CMSS1: variants seen among roughly 807,000 people sequenced by gnomAD.
The protein encoded by CMSS1 is cms1 ribosomal small subunit homolog, also known as protein CMSS1.
CMSS1 carries 33 observed loss-of-function variants against 43.5 expected under a neutral mutation model. The observed-to-expected ratio is 0.76, with a 90% CI of 0.57 to 1.01. The LOEUF (loss-of-function observed/expected upper bound fraction) is 1.01, where lower values mean the gene tolerates loss of function less well. CMSS1 is among the 50% of genes least tolerant of loss of function. CMSS1 has a pLI of 0.00. For synonymous variants in CMSS1, 115 were observed against 117.2 expected (o/e 0.98, Z 0.12); for missense variants, 313 against 326.4 (o/e 0.96, Z 0.32).
intron 1 of CMSS1, among the ~76,000 whole-genome samples, chr3:100,107,026 T>C (rs139680821): frequency 2.5e-3 from 377 of 152,286 alleles, no homozygotes; most frequent in Non-Finnish European, 4.2e-3. Flanking sequence ...TAAATACTTA[T>C]GGATTTTGTT....
chr3:100,171,282 T>G (rs1265845287), intron 6 of CMSS1, among the ~76,000 whole-genome samples: 1 of 151,938 alleles, frequency 6.6e-6, no homozygotes. Context: ...TAAAATTTTA[T>G]AGAGGAATTT....
chr3:100,062,260 C>T (rs1010575373), intron 1 of CMSS1, among the ~76,000 whole-genome samples: 5 of 151,380 alleles, frequency 3.3e-5, no homozygotes, highest in African/African-American at 7.3e-5. Context: ...TACAGGCGCT[C>T]GCCACCACGC....
chr3:99,966,135 G>A (rs934538308), intron 1 of CMSS1, among the ~76,000 whole-genome samples: 2 of 152,192 alleles, frequency 1.3e-5, no homozygotes, highest in African/African-American at 4.8e-5. Context: ...CTTAGGAAAG[G>A]TAAATAAAAT....
At chr3:99,936,715 TA>T (rs1292568284) in intron 1 of CMSS1, among the ~76,000 whole-genome samples, 1 of 150,908 alleles carries the variant, frequency 6.6e-6, no homozygotes, top group Non-Finnish European at 1.5e-5. Flanking sequence ...GTCACACTGC[TA>T]AAAAGTGGCA....
At chr3:99,973,681 T>G (rs1042908964) in intron 1 of CMSS1, among the ~76,000 whole-genome samples, 1 of 152,202 alleles carries the variant, frequency 6.6e-6, no homozygotes, top group African/African-American at 2.4e-5. Context: ...ATAAACACAC[T>G]TCAAACTTGA....
At chr3:99,885,714 G>C (rs961017781) in intron 1 of CMSS1, among the ~76,000 whole-genome samples, 4 of 152,114 alleles carry the variant, frequency 2.6e-5, no homozygotes, top group Admixed American at 6.5e-5. Context: ...TTGAAACTTT[G>C]TGGAACAGAT....
intron 1 of CMSS1, among the ~76,000 whole-genome samples, chr3:99,964,845 T>G (rs1413348981): frequency 6.6e-6 from 1 of 152,258 alleles, no homozygotes; most frequent in East Asian, 1.9e-4. Flanking sequence ...TCCCTGTAAC[T>G]GTGGAAAAAC....
At chr3:99,849,215 C>A (rs754793138) in intron 1 of CMSS1, 13 of 1,614,132 alleles carry the variant, frequency 8.1e-6, no homozygotes, top group Non-Finnish European at 1.0e-5. Flanking sequence ...TTGATGACTG[C>A]ACGTTCCAGA....
Position 100,162,258 on chromosome 3 carries a change from A to G in CMSS1, c.226-45A>G, listed in dbSNP as rs763867727. On this transcript the variant is annotated intron_variant, in intron 3 of 9. Coordinates refer to ENST00000421999, the MANE Select transcript of CMSS1 (RefSeq NM_032359.4). ...AACTAACCTATTCCAACCAAATGCCATTTTAAAATATGTCGTCCCATTTTT... is the reference window on the plus strand; with the variant it reads ...AACTAACCTATTCCAACCAAATGCCGTTTTAAAATATGTCGTCCCATTTTT... 11 of 1,582,882 alleles carry G rather than the reference A, an allele frequency of 6.9e-6. No homozygotes were observed. In the East Asian group the frequency reaches 2.3e-4, roughly 32 times the overall value.
At chr3:100,107,736 T>C (rs1031757857) in intron 1 of CMSS1, among the ~76,000 whole-genome samples, 1 of 152,228 alleles carries the variant, frequency 6.6e-6, no homozygotes, top group East Asian at 1.9e-4. Context: ...TCATTTCCCA[T>C]TATGGAATAA....
chr3:100,057,462 C>A (rs1324686995), intron 1 of CMSS1, among the ~76,000 whole-genome samples: 4 of 152,212 alleles, frequency 2.6e-5, no homozygotes, highest in Non-Finnish European at 5.9e-5. Flanking sequence ...AGAGTTGCTG[C>A]GGTTTCTCCA....
At chr3:100,081,631 G>A (rs1416499370) in intron 1 of CMSS1, among the ~76,000 whole-genome samples, 1 of 152,166 alleles carries the variant, frequency 6.6e-6, no homozygotes, top group East Asian at 1.9e-4. Flanking sequence ...CCAGTATAGT[G>A]TGATTTTATG....
chr3:99,998,937 G>C (rs1360363459), intron 1 of CMSS1, among the ~76,000 whole-genome samples: 1 of 152,098 alleles, frequency 6.6e-6, no homozygotes, highest in Non-Finnish European at 1.5e-5. Context: ...CACTATCTTT[G>C]GCATAAAATT....
chr3:99,923,205 C>G (rs1004823111), intron 1 of CMSS1, among the ~76,000 whole-genome samples: 1 of 152,090 alleles, frequency 6.6e-6, no homozygotes, highest in Non-Finnish European at 1.5e-5. Context: ...ACACCAACAC[C>G]CACAGTTTCA....
At chr3:100,148,750 A>G (rs190324790) in intron 2 of CMSS1, among the ~76,000 whole-genome samples, 50 of 152,218 alleles carry the variant, frequency 3.3e-4, no homozygotes, top group African/African-American at 1.2e-3. Context: ...TATAGTTAAT[A>G]ATTATATTAT....
intron 1 of CMSS1, among the ~76,000 whole-genome samples, chr3:100,050,165 A>T (rs1575989892): frequency 6.6e-6 from 1 of 152,162 alleles, no homozygotes; most frequent in East Asian, 1.9e-4. Context: ...TTGTTTATTT[A>T]CCAGCATTTC....
intron 4 of CMSS1, among the ~76,000 whole-genome samples, chr3:100,165,098 A>G (rs1366610269): frequency 1.3e-5 from 2 of 152,130 alleles, no homozygotes; most frequent in East Asian, 3.8e-4. Flanking sequence ...CCCACCCCCA[A>G]GAGATTCTAA....
chr3:99,930,835 G>A, intron 1 of CMSS1: 1 of 1,612,466 alleles, frequency 6.2e-7, no homozygotes, highest in Non-Finnish European at 8.5e-7. Flanking sequence ...CTTCTGCTTG[G>A]TGGCCATTAC....
intron 2 of CMSS1, among the ~76,000 whole-genome samples, chr3:100,160,105 G>A (rs1212428082): frequency 6.6e-6 from 1 of 152,148 alleles, no homozygotes; most frequent in Non-Finnish European, 1.5e-5. Context: ...GATTTCTGCT[G>A]TATTATACAA....
Sources: allele counts gnomAD v4.1 joint callset (sites outside exome capture counted in the v4.1 genomes callset), GRCh38; gene constraint gnomAD v4.1.1; transcripts MANE v1.5; gene names NCBI Gene and HGNC (gene_info 2026-07-23, HGNC 2026-07-21).